RGS6: variants seen among roughly 807,000 people sequenced by gnomAD.
RGS6 encodes regulator of G-protein signaling 6.
A neutral mutation model predicts 78.5 loss-of-function variants in RGS6; 30 were observed. The ratio of observed to expected loss-of-function variants is 0.38; its 90% CI spans 0.29 to 0.52. The LOEUF (loss-of-function observed/expected upper bound fraction) is 0.52. RGS6 is among the 20% of genes least tolerant of loss of function. The pLI is 0.85. For missense variants in RGS6, 495 were observed against 609.7 expected (o/e 0.81, Z 1.98); for synonymous variants, 206 against 206.0 (o/e 1.00, Z 0.00).
At chr14:72,377,838 C>T (rs1312873585) in intron 3 of RGS6, among the ~76,000 whole-genome samples, 10 of 152,054 alleles carry the variant, frequency 6.6e-5, no homozygotes, top group Admixed American at 2.0e-4. Context: ...ATTAACCACC[C>T]GTGGTGCTGC....
chr14:72,031,365 A>G (rs563602015), intron 2 of RGS6, among the ~76,000 whole-genome samples: 58 of 152,270 alleles, frequency 3.8e-4, no homozygotes, highest in African/African-American at 1.4e-3. Context: ...TGTGAGTAAG[A>G]TGTTTTTAAT....
intron 3 of RGS6, among the ~76,000 whole-genome samples, chr14:72,355,320 A>T (rs920107054): frequency 2.0e-5 from 3 of 151,710 alleles, no homozygotes; most frequent in Admixed American, 2.0e-4. Flanking sequence ...CAGCCTCCTG[A>T]GTAGCTGGGA....
intron 2 of RGS6, among the ~76,000 whole-genome samples, chr14:72,026,074 A>G (rs1396015651): frequency 6.6e-6 from 1 of 152,182 alleles, no homozygotes; most frequent in Non-Finnish European, 1.5e-5. Flanking sequence ...GGAGAAACCT[A>G]AGGCTATGAA....
At chr14:72,098,326 T>G (rs1383515161) in intron 2 of RGS6, among the ~76,000 whole-genome samples, 1 of 152,220 alleles carries the variant, frequency 6.6e-6, no homozygotes, top group African/African-American at 2.4e-5. Flanking sequence ...GATAATAGGC[T>G]CCTGTCCTTG....
chr14:72,545,797 C>T (rs755630243), intron 17 of RGS6, among the ~76,000 whole-genome samples: 5 of 152,162 alleles, frequency 3.3e-5, no homozygotes, highest in Non-Finnish European at 4.4e-5. Flanking sequence ...GTTCACTCGT[C>T]CACGGTGAGT....
chr14:72,118,399 G>T (rs976479396), intron 2 of RGS6, among the ~76,000 whole-genome samples: 7 of 151,992 alleles, frequency 4.6e-5, no homozygotes, highest in African/African-American at 1.2e-4. Flanking sequence ...CTCTTTACTG[G>T]CGTTATGTCC....
In RGS6 at chr14:72,450,708, TTAGA is replaced by T. The variant is rs539696866; in HGVS notation, c.185-3815_185-3812del. The stretch of plus-strand genomic sequence containing the variant: ...CGTGGTAACAAGGCAACAATTAATC[TTAGA>T]TAGAACAGAAAAGGAATCCGCTTCA... On this transcript the variant is annotated intron_variant, in intron 3 of 17. Coordinates refer to ENST00000553525, the MANE Select transcript of RGS6 (RefSeq NM_001204424.2). Among the ~76,000 whole-genome samples, 14 of 152,188 alleles carry T rather than the reference TTAGA, an allele frequency of 9.2e-5. No individual in the cohort carries two copies. The East Asian group carries it at 2.1e-3, about 23-fold the overall frequency.
At chr14:72,149,888 G>A (rs541530232) in intron 2 of RGS6, among the ~76,000 whole-genome samples, 11 of 152,202 alleles carry the variant, frequency 7.2e-5, no homozygotes, top group South Asian at 2.1e-4. Context: ...GGTTCCCTTC[G>A]GAGGTATCTC....
chr14:72,483,286 A>G (rs1480080116), intron 12 of RGS6, among the ~76,000 whole-genome samples: 1 of 152,200 alleles, frequency 6.6e-6, no homozygotes, highest in Non-Finnish European at 1.5e-5. Context: ...ACTGCTGCAC[A>G]CAGAGGGATC....
the RGS6 span, among the ~76,000 whole-genome samples, chr14:72,593,796 A>G: frequency 4.6e-5 from 7 of 152,212 alleles, no homozygotes; most frequent in African/African-American, 1.7e-4. Context: ...CTTTAAAAAA[A>G]CAAAAAATTA....
At chr14:72,615,452 C>A in the RGS6 span, among the ~76,000 whole-genome samples, 5 of 152,330 alleles carry the variant, frequency 3.3e-5, no homozygotes, top group Admixed American at 1.3e-4. Context: ...TGAAAGGAAG[C>A]GGGCTGTATT....
At chr14:71,871,170 G>T in the RGS6 span, among the ~76,000 whole-genome samples, 2 of 152,102 alleles carry the variant, frequency 1.3e-5, no homozygotes, top group African/African-American at 2.4e-5. Context: ...CCTGCTATTT[G>T]GGGGGTGAGG....
At chr14:72,271,500 C>G (rs1164491402) in intron 2 of RGS6, among the ~76,000 whole-genome samples, 1 of 152,190 alleles carries the variant, frequency 6.6e-6, no homozygotes, top group East Asian at 1.9e-4. Flanking sequence ...GGCACACAGC[C>G]AAACCATATC....
the RGS6 span, among the ~76,000 whole-genome samples, chr14:71,873,393 T>G: frequency 6.6e-6 from 1 of 152,212 alleles, no homozygotes; most frequent in Admixed American, 6.5e-5. Flanking sequence ...TGATGACCAG[T>G]GATGATGAGC....
chr14:72,333,929 C>T (rs755915778), intron 2 of RGS6, among the ~76,000 whole-genome samples: 3 of 152,234 alleles, frequency 2.0e-5, no homozygotes, highest in Non-Finnish European at 4.4e-5. Context: ...AAATGAGCTA[C>T]CTGTTGGCAA....
intron 2 of RGS6, among the ~76,000 whole-genome samples, chr14:72,319,738 G>A (rs1006946727): frequency 2.0e-5 from 3 of 152,006 alleles, no homozygotes; most frequent in Non-Finnish European, 4.4e-5. Flanking sequence ...AGGATATGAT[G>A]GGCAGGATTA....
chr14:72,464,966 T>C (rs935265276), intron 6 of RGS6, among the ~76,000 whole-genome samples: 1 of 152,156 alleles, frequency 6.6e-6, no homozygotes, highest in African/African-American at 2.4e-5. Flanking sequence ...AGGATTTCAG[T>C]GCAATGGAAT....
At chr14:72,292,903 A>G (rs757616628) in intron 2 of RGS6, among the ~76,000 whole-genome samples, 6 of 152,328 alleles carry the variant, frequency 3.9e-5, no homozygotes, top group Admixed American at 6.5e-5. Flanking sequence ...ATTAAGAACA[A>G]TGTTACATTT....
intron 2 of RGS6, among the ~76,000 whole-genome samples, chr14:72,286,142 C>G (rs2062503679): frequency 6.6e-6 from 1 of 152,140 alleles, no homozygotes; most frequent in Non-Finnish European, 1.5e-5. Flanking sequence ...TTTATAGTTT[C>G]AGGTCTTACA....
Sources: allele counts gnomAD v4.1 joint callset (sites outside exome capture counted in the v4.1 genomes callset), GRCh38; gene constraint gnomAD v4.1.1; transcripts MANE v1.5; gene names NCBI Gene and HGNC (gene_info 2026-07-23, HGNC 2026-07-21).